The following TENM3 variants were observed in gnomAD, a reference collection of about 807,000 sequenced individuals.
TENM3 encodes the protein teneurin transmembrane protein 3, also known as teneurin-3.
Under a neutral mutation model 255.1 loss-of-function variants are expected in TENM3, and 63 were observed. That is an observed-to-expected ratio of 0.25 (90% CI 0.20 to 0.30). The LOEUF (loss-of-function observed/expected upper bound fraction) is 0.30. Ranked by LOEUF, TENM3 falls within the 10% of genes least tolerant of loss-of-function variation. The pLI, the probability that TENM3 is intolerant of heterozygous loss-of-function variation, is 1.00. For synonymous variants in TENM3, 1,306 were observed against 1,322.3 expected, an observed-to-expected ratio of 0.99 and a Z score of 0.27; for missense variants, 2,929 against 3,461.1, an observed-to-expected ratio of 0.85 and a Z score of 3.86.
At chr4:182,293,127 A>G (rs1388878435) in intron 1 of TENM3, among the ~76,000 whole-genome samples, 1 of 152,178 alleles carries the variant, frequency 6.6e-6, no homozygotes, top group Non-Finnish European at 1.5e-5. Context: ...TTTAATCCCT[A>G]CTTTTTAGCT....
intron 3 of TENM3, among the ~76,000 whole-genome samples, chr4:182,521,800 C>G (rs1002146352): frequency 6.6e-6 from 1 of 152,082 alleles, no homozygotes; most frequent in African/African-American, 2.4e-5. Flanking sequence ...TTATTTAACT[C>G]TCAACCAGGA....
At chr4:181,645,797 G>A in the TENM3 span, among the ~76,000 whole-genome samples, 3 of 152,288 alleles carry the variant, frequency 2.0e-5, no homozygotes, top group South Asian at 6.2e-4. Flanking sequence ...TAGGACCAAA[G>A]GTGATCTCAG....
intron 1 of TENM3, among the ~76,000 whole-genome samples, chr4:182,236,167 T>G (rs113153011): frequency 1.6e-3 from 241 of 152,292 alleles, no homozygotes; most frequent in African/African-American, 4.6e-3. Flanking sequence ...AGAGCAAAAA[T>G]TTCCTGAGAT....
intron 3 of TENM3, among the ~76,000 whole-genome samples, chr4:182,440,481 A>T (rs996383148): frequency 2.0e-5 from 3 of 151,996 alleles, no homozygotes; most frequent in Admixed American, 1.3e-4. Flanking sequence ...TCTCTACGCC[A>T]TTTGTCTTAT....
the TENM3 span, among the ~76,000 whole-genome samples, chr4:182,137,034 G>A: frequency 2.8e-3 from 427 of 151,774 alleles, 1 homozygote; most frequent in Non-Finnish European, 4.4e-3. Flanking sequence ...GCTAATTCTT[G>A]TGCTTCTCCA....
chr4:182,180,381 C>T (rs1351938509), intron 1 of TENM3, among the ~76,000 whole-genome samples: 13 of 152,098 alleles, frequency 8.5e-5, no homozygotes, highest in Admixed American at 8.5e-4. Flanking sequence ...TCTGCTGTTA[C>T]ACTTTAGTTA....
intron 3 of TENM3, among the ~76,000 whole-genome samples, chr4:182,462,641 A>G (rs1732144418): frequency 6.6e-6 from 1 of 151,806 alleles, no homozygotes; most frequent in African/African-American, 2.4e-5. Context: ...ACTTAAATTT[A>G]CTTGATATGG....
At chr4:182,737,175 A>G (rs1761234380) in intron 17 of TENM3, 100 bp downstream of exon 17, 2 of 1,247,550 alleles carry the variant, frequency 1.6e-6, no homozygotes, top group East Asian at 2.3e-5. Flanking sequence ...TAAACAGAAT[A>G]TAAAGAGAAT....
In TENM3 at chr4:182,243,429, A is replaced by T. The variant is rs998621188; in HGVS notation, c.-123A>T. 1.3e-5 allele frequency: 2 copies of T among 152,408 alleles called. No homozygotes were observed. Among genetic ancestry groups the T allele is most frequent in the African/African-American group, 4.8e-5 (2 of 41,402 alleles). 9.4% of individuals were successfully genotyped at this position (152,408 alleles called of 1,614,324 possible). ...CGCACCTGGCCATGAAGGCTTTTAG[A>T]TGGGTCTGGAGCTTGGAGGAGAAGT... On this transcript the variant is annotated 5_prime_UTR_variant, in exon 1 of 28. It removes an upstream start codon present in the reference 5' UTR. Coordinates refer to ENST00000511685, the MANE Select transcript of TENM3 (RefSeq NM_001080477.4).
chr4:182,403,969 G>A (rs1769382718), intron 3 of TENM3, among the ~76,000 whole-genome samples: 1 of 152,140 alleles, frequency 6.6e-6, no homozygotes, highest in Non-Finnish European at 1.5e-5. Context: ...AAATCCTCCT[G>A]CCTTGGCTTC....
the TENM3 span, among the ~76,000 whole-genome samples, chr4:181,737,568 G>A: frequency 3.9e-5 from 6 of 152,002 alleles, no homozygotes; most frequent in Admixed American, 1.3e-4. Flanking sequence ...CACATGAAGA[G>A]GCACATCATG....
chr4:182,728,880 A>G (rs1311724951), intron 13 of TENM3, 85 bp from the exon 14 acceptor site: 1 of 1,122,118 alleles, frequency 8.9e-7, no homozygotes, highest in Non-Finnish European at 1.3e-6. Flanking sequence ...TGTGAAAAAA[A>G]AAAAAACAGT....
In TENM3 at chr4:182,752,012, C is replaced by G; in HGVS notation, c.3842C>G (p.Ala1281Gly). 6.2e-7 allele frequency: 1 copy of G among 1,609,878 alleles called. No individual in the cohort carries two copies. The highest frequency in any genetic ancestry group is 8.5e-7 in the Non-Finnish European group (1 of 1,177,794). The change falls in exon 20 of 28, where the codon GCC (alanine) becomes GGC (glycine). Residue 1281 changes from alanine (A) to glycine (G), a missense_variant. This residue lies in a region of TENM3 where 1,608 missense variants were observed against 1,884.4 expected (regional missense o/e 0.85). Transcript: ENST00000511685. ...GGGGATGGAGGGAAGGCCGTGGAAGCCACACTCATGAGTCCCAAAGGTACC... is the reference window on the plus strand; with the variant it reads ...GGGGATGGAGGGAAGGCCGTGGAAGGCACACTCATGAGTCCCAAAGGTACC... Reference protein sequence around the residue: ...RCGDGGKAVEATLMSPKGMAV... With the variant: ...RCGDGGKAVEGTLMSPKGMAV...
the TENM3 span, among the ~76,000 whole-genome samples, chr4:181,676,073 G>C: frequency 2.1e-5 from 3 of 145,558 alleles, no homozygotes; most frequent in Non-Finnish European, 4.6e-5. Flanking sequence ...GTGGGGCTGC[G>C]GGAAGGGGGG....
chr4:182,743,024 A>G (rs1761723529), intron 18 of TENM3, 146 bp from the exon 19 acceptor site: 4 of 848,116 alleles, frequency 4.7e-6, no homozygotes, highest in Admixed American at 2.9e-5. Context: ...GTTGAATACA[A>G]TTCATTCCAA....
At chr4:182,477,415 C>A (rs1733780870) in intron 3 of TENM3, among the ~76,000 whole-genome samples, 1 of 152,190 alleles carries the variant, frequency 6.6e-6, no homozygotes, top group Admixed American at 6.5e-5. Flanking sequence ...GGCTTCCAGG[C>A]ATGGTTTACA....
In TENM3 at chr4:182,650,153, A is replaced by G. The variant is rs879921353; in HGVS notation, c.989-3618A>G. Among the ~76,000 whole-genome samples, 19 of 150,574 alleles carry G rather than the reference A, an allele frequency of 1.3e-4. 1 individual carries two copies. The highest frequency in any genetic ancestry group is 2.2e-4 in the African/African-American group (9 of 41,324). On this transcript the variant is annotated intron_variant, in intron 5 of 27. Transcript: ENST00000511685. ...GTTCCTGACACACAGTGTTTGTTCA[A>G]TGACTGGTTTGAAATGCATATTGCA...
At chr4:182,462,588 A>G (rs79273671) in intron 3 of TENM3, among the ~76,000 whole-genome samples, 108 of 151,962 alleles carry the variant, frequency 7.1e-4, no homozygotes, top group Admixed American at 2.6e-3. Context: ...ATGGCATTAC[A>G]AATATGTAGT....
the TENM3 span, among the ~76,000 whole-genome samples, chr4:182,089,969 A>G: frequency 1.3e-5 from 2 of 152,352 alleles, no homozygotes; most frequent in African/African-American, 4.8e-5. Flanking sequence ...CACAAAGCCA[A>G]TGTTGACTCA....
Sources: gnomAD v4.1 joint callset for allele counts (sites outside exome capture counted in the v4.1 genomes callset) on GRCh38, gnomAD v4.1.1 for gene constraint, gnomAD v4.1.1 regional missense constraint, MANE v1.5 for transcripts, NCBI Gene and HGNC (gene_info 2026-07-23, HGNC 2026-07-21) for gene names.